The following CD44 variants were observed in gnomAD, a reference collection of about 807,000 sequenced individuals.
CD44 encodes CD44 molecule (IN blood group).
Under a neutral mutation model 88.8 loss-of-function variants are expected in CD44, and 49 were observed. That is an observed-to-expected ratio of 0.55 (90% CI 0.44 to 0.70). The LOEUF (loss-of-function observed/expected upper bound fraction) is 0.70. Among genes scored for constraint, CD44 ranks in the 30% least tolerant of loss-of-function variants. CD44 has a pLI of 0.00. For missense variants in CD44, 883 were observed against 913.8 expected, an observed-to-expected ratio of 0.97 and a Z score of 0.43; for synonymous variants, 325 against 312.3, an observed-to-expected ratio of 1.04 and a Z score of -0.43.
At chr11:35,188,590 G>A (rs1419343217) in intron 4 of CD44, among the ~76,000 whole-genome samples, 1 of 152,040 alleles carries the variant, frequency 6.6e-6, no homozygotes, top group Non-Finnish European at 1.5e-5. Context: ...CACCTGCAGA[G>A]ATTACCAGGG....
intron 17 of CD44, 56 bp downstream of exon 17, chr11:35,221,788 C>A (rs1041030963): frequency 1.4e-6 from 2 of 1,435,856 alleles, no homozygotes; most frequent in Middle Eastern, 1.8e-4. Context: ...TAAACCTGGG[C>A]TTTATATCCT....
intron 2 of CD44, among the ~76,000 whole-genome samples, chr11:35,177,752 T>A (rs1164555852): frequency 6.6e-6 from 1 of 152,222 alleles, no homozygotes; most frequent in African/African-American, 2.4e-5. Flanking sequence ...AAGGAAAGTC[T>A]TTTGCCTAAA....
chr11:35,215,880 CCAAAAAA>C (rs1043502721), intron 15 of CD44, among the ~76,000 whole-genome samples: 14 of 149,968 alleles, frequency 9.3e-5, no homozygotes, highest in African/African-American at 2.2e-4. Context: ...TCAAAAAAAA[CCAAAAAA>C]CAAAAAACAA....
At chr11:35,209,932 A>G (rs1948239814) in intron 12 of CD44, 33 bp from the exon 13 acceptor site, 1 of 1,414,278 alleles carries the variant, frequency 7.1e-7, no homozygotes, top group Non-Finnish European at 9.7e-7. Flanking sequence ...CGTAGCTTCA[A>G]ATTAACACTG....
chr11:35,201,301 TC>T (rs1408099833), intron 8 of CD44, 106 bp downstream of exon 8: 1 of 800,812 alleles, frequency 1.2e-6, no homozygotes, highest in Non-Finnish European at 2.2e-6. Context: ...TAATATCTGA[TC>T]AAGAAATTCT....
At chr11:35,194,916 C>T (rs1257472756) in intron 5 of CD44, among the ~76,000 whole-genome samples, 3 of 152,212 alleles carry the variant, frequency 2.0e-5, no homozygotes, top group Non-Finnish European at 4.4e-5. Context: ...GTGCAGGCTT[C>T]TCCTTTCTGC....
rs142980950 is a variant in CD44, at chr11:35,141,061, A to G, written c.67+1691A>G. Among the ~76,000 whole-genome samples, 19 of 152,134 alleles carry G rather than the reference A, an allele frequency of 1.2e-4. No homozygotes were observed. In the East Asian group the frequency reaches 3.7e-3, roughly 29 times the overall value. ...TACAGTGCTAGCTACCATTTACTGT[A>G]TATTTTCACTGTGCCAGGCATTATG... is the stretch of plus-strand genomic sequence containing the variant. On this transcript the variant is annotated intron_variant, in intron 1 of 17. Coordinates refer to ENST00000428726, the MANE Select transcript of CD44 (RefSeq NM_000610.4).
chr11:35,172,538 T>C (rs1258587752), intron 1 of CD44, among the ~76,000 whole-genome samples: 1 of 152,190 alleles, frequency 6.6e-6, no homozygotes, highest in Non-Finnish European at 1.5e-5. Context: ...TTCTCCCAAA[T>C]TGATGTGGAT....
At chr11:35,210,554 C>G (rs1399280799) in intron 13 of CD44, 1 of 152,186 alleles carries the variant, frequency 6.6e-6, no homozygotes, top group Admixed American at 6.5e-5. Context: ...TATTTAATTT[C>G]CATGTAATTG....
At position 35,162,887 on chromosome 11, in the gene CD44, CAT is replaced by C. The variant is rs1942807534; in HGVS notation, c.68-13686_68-13685del. Among the ~76,000 whole-genome samples the C allele has an allele frequency of 2.6e-5, 4 of 152,054 alleles. No homozygotes were observed. In the South Asian group the frequency reaches 8.3e-4, roughly 32 times the overall value. On this transcript the variant is annotated intron_variant, in intron 1 of 17. Coordinates refer to ENST00000428726, the MANE Select transcript of CD44 (RefSeq NM_000610.4). ...TTGTGCACACAGACAGAAACACACACATACATGCACACACACACAGACATGTA... is the reference window on the plus strand; with the variant it reads ...TTGTGCACACAGACAGAAACACACACACATGCACACACACACAGACATGTA...
At chr11:35,180,877 G>A (rs35605320) in intron 3 of CD44, among the ~76,000 whole-genome samples, 1 of 152,098 alleles carries the variant, frequency 6.6e-6, no homozygotes, top group Non-Finnish European at 1.5e-5. Context: ...TGATAAAAGT[G>A]CTATAAAAAA....
intron 15 of CD44, among the ~76,000 whole-genome samples, chr11:35,218,529 A>C (rs11033029): frequency 0.1 from 15,266 of 151,806 alleles, 943 homozygotes; most frequent in Admixed American, 0.16. Context: ...GGGTTTCACC[A>C]TGTTGACTAG....
intron 4 of CD44, among the ~76,000 whole-genome samples, chr11:35,189,358 A>G (rs910710337): frequency 6.6e-6 from 1 of 152,232 alleles, no homozygotes. Flanking sequence ...TGCTGAGGCT[A>G]TTAGTCTGCT....
rs370247205 is a variant in CD44, at chr11:35,175,514, G to A, written c.68-1061G>A. On this transcript the variant is annotated intron_variant, in intron 1 of 17. Transcript: ENST00000428726. ...CTTTATGTATATATGCATAAAGTACGTGTGTGCATGTGTGCACGTGTGAAT... is the reference window on the plus strand; with the variant it reads ...CTTTATGTATATATGCATAAAGTACATGTGTGCATGTGTGCACGTGTGAAT... 1.4e-4 allele frequency among the ~76,000 whole-genome samples: 21 copies of A among 152,304 alleles called. No homozygotes were observed. The South Asian group carries it at 2.3e-3, about 17-fold the overall frequency.
intron 1 of CD44, among the ~76,000 whole-genome samples, chr11:35,157,768 A>T (rs1386118196): frequency 1.3e-5 from 2 of 152,198 alleles, no homozygotes; most frequent in Admixed American, 1.3e-4. Flanking sequence ...CACATGCAAC[A>T]TCTGCCCACT....
At chr11:35,182,958 G>A (rs140178822) in intron 3 of CD44, among the ~76,000 whole-genome samples, 30 of 152,268 alleles carry the variant, frequency 2.0e-4, no homozygotes, top group African/African-American at 5.8e-4. Flanking sequence ...GGCAGGCTGC[G>A]ACTGAGACTT....
At chr11:35,212,301 T>G (rs2134213013) in intron 14 of CD44, among the ~76,000 whole-genome samples, 1 of 152,302 alleles carries the variant, frequency 6.6e-6, no homozygotes, top group Middle Eastern at 3.4e-3. Flanking sequence ...ACTAGGCATA[T>G]TCAAGATTAG....
chr11:35,167,880 C>A (rs1943470685), intron 1 of CD44, among the ~76,000 whole-genome samples: 1 of 152,214 alleles, frequency 6.6e-6, no homozygotes, highest in African/African-American at 2.4e-5. Context: ...AGCATTCAGG[C>A]TGTAAAGGGC....
chr11:35,221,622 C>T (rs780377300), intron 16 of CD44, 32 bp from the exon 17 acceptor site: 2 of 1,573,768 alleles, frequency 1.3e-6, no homozygotes, highest in Non-Finnish European at 1.7e-6. Flanking sequence ...GTCTCTGAAG[C>T]TCACGCATGT....
Sources: gnomAD v4.1 joint callset for allele counts (sites outside exome capture counted in the v4.1 genomes callset) on GRCh38, gnomAD v4.1.1 for gene constraint, MANE v1.5 for transcripts, NCBI Gene and HGNC (gene_info 2026-07-23, HGNC 2026-07-21) for gene names.